RGPD4: variants seen among roughly 807,000 people sequenced by gnomAD.
RGPD4 encodes the protein ranBP2-like and GRIP domain-containing protein 4.
A neutral mutation model predicts 141.1 loss-of-function variants in RGPD4; 84 were observed. The observed-to-expected ratio is 0.60, with a 90% CI of 0.50 to 0.71. The LOEUF is 0.71. Ranked by LOEUF, RGPD4 falls within the 30% of genes least tolerant of loss-of-function variation. The pLI is 0.00. For missense variants in RGPD4, 918 were observed against 1,622.4 expected (o/e 0.57, Z 7.46); for synonymous variants, 298 against 566.8 (o/e 0.53, Z 6.74).
intron 16 of RGPD4, 28 bp downstream of exon 16, chr2:107,862,889 A>C: frequency 1.2e-6 from 2 of 1,603,232 alleles, no homozygotes; most frequent in Non-Finnish European, 1.7e-6. Flanking sequence ...GAATCATTTC[A>C]TTGTGAAATT....
At position 107,828,322 on chromosome 2, in the gene RGPD4, G is replaced by C. The variant is rs1477737321; in HGVS notation, c.72+1237G>C. 1.5e-3 allele frequency among the ~76,000 whole-genome samples: 38 copies of C among 25,634 alleles called. 1 individual carries two copies. The highest frequency in any genetic ancestry group is 8.5e-3 in the African/African-American group (32 of 3,766). The allele number at this position is 25,634 out of a possible 152,430, so 16.8% of individuals were successfully genotyped here. ...CGCGCTCTGTTGAGGCGGCGGCCTC[G>C]ACCCGGCCCGGCGGCGGCCTCGATG... On this transcript the variant is annotated intron_variant, in intron 1 of 22. Coordinates refer to ENST00000408999, the MANE Select transcript of RGPD4 (RefSeq NM_182588.3).
intron 6 of RGPD4, among the ~76,000 whole-genome samples, chr2:107,847,112 C>A (rs201769624): frequency 6.8e-6 from 1 of 147,094 alleles, no homozygotes; most frequent in Non-Finnish European, 1.5e-5. Context: ...CATGTTGGTA[C>A]GCGCCTATAG....
At chr2:107,878,777 G>A (rs1330214271) in intron 20 of RGPD4, among the ~76,000 whole-genome samples, 1 of 59,792 alleles carries the variant, frequency 1.7e-5, no homozygotes, top group African/African-American at 6.0e-5. Flanking sequence ...AGAACTAGGA[G>A]TCTGATGTTC....
chr2:107,830,348 A>G (rs1480504684), intron 1 of RGPD4, among the ~76,000 whole-genome samples: 2 of 151,396 alleles, frequency 1.3e-5, no homozygotes, highest in East Asian at 1.9e-4. Flanking sequence ...AAGCTTAAAA[A>G]AAAAAAAAAA....
Position 107,872,261 on chromosome 2 carries a change from T to C in RGPD4, c.4257T>C (p.Asn1419=). Residue 1419 remains asparagine (N), a synonymous_variant, in exon 20 of 23, where the codon AAT becomes AAC. Transcript: ENST00000408999. Reference sequence around the variant, plus strand: ...TAACTCCAGACATGAGTTTGCAAAATATGAAAGGGACAGAAAGAGTATGGG... The same window carrying C: ...TAACTCCAGACATGAGTTTGCAAAACATGAAAGGGACAGAAAGAGTATGGG... ...HTITPDMSLQ[N]MKGTERVWVW... is the part of the protein sequence containing the mutation. 1.2e-6 allele frequency: 2 copies of C among 1,611,146 alleles called. No homozygotes were observed. Among genetic ancestry groups the C allele is most frequent in the Non-Finnish European group, 1.7e-6 (2 of 1,179,828 alleles).
At chr2:107,884,064 G>A (rs932932880) in intron 22 of RGPD4, among the ~76,000 whole-genome samples, 12 of 151,554 alleles carry the variant, frequency 7.9e-5, no homozygotes, top group African/African-American at 2.9e-4. Flanking sequence ...CCTAAATAGG[G>A]CTCATATATT....
At chr2:107,883,814 A>C (rs932878436) in intron 22 of RGPD4, among the ~76,000 whole-genome samples, 2 of 151,956 alleles carry the variant, frequency 1.3e-5, no homozygotes, top group African/African-American at 2.4e-5. Flanking sequence ...AATTACTTTT[A>C]TTTTTGACAT....
At chr2:107,874,671 G>A (rs1353593252) in intron 20 of RGPD4, among the ~76,000 whole-genome samples, 1 of 150,484 alleles carries the variant, frequency 6.6e-6, no homozygotes, top group Non-Finnish European at 1.5e-5. Context: ...AAGAACGAAT[G>A]TGCCTATACA....
In RGPD4 at chr2:107,887,063, C is replaced by T. The variant is rs556897725; in HGVS notation, c.5267-3658C>T. The stretch of plus-strand genomic sequence containing the variant: ...TTCAGAATCAGCCTGGGCAACATGG[C>T]GAGACCCTATGTCTACAAAAATTTT... On this transcript the variant is annotated intron_variant, in intron 22 of 22. Transcript: ENST00000408999. Among the ~76,000 whole-genome samples the T allele has an allele frequency of 1.7e-3, 252 of 147,388 alleles. 1 individual carries two copies. Among genetic ancestry groups the T allele is most frequent in the African/African-American group, 5.9e-3 (236 of 39,824 alleles).
At chr2:107,878,573 C>A (rs1182193443) in intron 20 of RGPD4, among the ~76,000 whole-genome samples, 1 of 149,818 alleles carries the variant, frequency 6.7e-6, no homozygotes, top group Non-Finnish European at 1.5e-5. Context: ...CTTTTTTGGG[C>A]TGCTCCAATA....
At position 107,880,057 on chromosome 2, in the gene RGPD4, C is replaced by T. The variant is rs762643568; in HGVS notation, c.5014C>T (p.Leu1672=). 1.9e-6 allele frequency: 3 copies of T among 1,611,442 alleles called. No individual in the cohort carries two copies. In the South Asian group the frequency reaches 3.3e-5, roughly 18 times the overall value. ...TTKSADHLNG[L]LREAEATSAV... The stretch of plus-strand genomic sequence containing the variant: ...AAAAAGTGCAGATCACTTAAACGGC[C>T]TGCTTCGGGAAGCAGAGGCAACCAG... The change falls in exon 21 of 23, where the codon CTG becomes TTG. Residue 1672 remains leucine, a synonymous_variant. Transcript: ENST00000408999.
intron 22 of RGPD4, among the ~76,000 whole-genome samples, chr2:107,885,059 A>G (rs2104520441): frequency 6.6e-6 from 1 of 152,310 alleles, no homozygotes; most frequent in East Asian, 1.9e-4. Context: ...AAACTACAGG[A>G]TAGGTTTCTA....
chr2:107,830,673 A>G (rs1208556649), intron 1 of RGPD4, among the ~76,000 whole-genome samples: 5 of 152,026 alleles, frequency 3.3e-5, no homozygotes, highest in East Asian at 1.9e-4. Context: ...ATGACAAAAC[A>G]GGGTGCTTTG....
chr2:107,827,041 C>T lies in RGPD4; in HGVS notation c.28C>T (p.Arg10Trp). 1.9e-6 allele frequency: 3 copies of T among 1,598,854 alleles called. No homozygotes were observed. Among genetic ancestry groups the T allele is most frequent in the Non-Finnish European group, 2.6e-6 (3 of 1,174,136 alleles). Residue 10 changes from arginine (R) to tryptophan (W), a missense_variant, in exon 1 of 23, where the codon CGG becomes TGG. Arg to Trp is a moderately radical substitution (Grantham distance 101). Transcript: ENST00000408999. MSCSKAYGE[R>W]YVASVQGSAP... ...GAGTTGCAGCAAGGCCTACGGGGAG[C>T]GGTACGTCGCCTCCGTGCAGGGCTC...
In RGPD4 at chr2:107,872,679, G is replaced by A. The variant is rs772547747; in HGVS notation, c.4675G>A (p.Ala1559Thr). ...IFSSEKSKPF[A>T]FGNSSATGSL... is the part of the protein sequence containing the mutation. ...TAGTAGTGAAAAATCAAAACCATTT[G>A]CATTTGGCAACAGTTCTGCCACTGG... Residue 1559 changes from alanine to threonine, a missense_variant, in exon 20 of 23, where the codon GCA (alanine) becomes ACA (threonine). Coordinates refer to ENST00000408999, the MANE Select transcript of RGPD4 (RefSeq NM_182588.3). The A allele has an allele frequency of 6.2e-7, 1 of 1,611,112 alleles. No homozygotes were observed. The highest frequency in any genetic ancestry group is 1.1e-5 in the South Asian group (1 of 90,956).
chr2:107,834,097 C>CTT (rs540935273), intron 1 of RGPD4, among the ~76,000 whole-genome samples: 6 of 145,010 alleles, frequency 4.1e-5, no homozygotes, highest in South Asian at 4.4e-4. Flanking sequence ...TGCTATAGTT[C>CTT]TTTTTTTTTT....
At chr2:107,886,048 T>C (rs1181637070) in intron 22 of RGPD4, among the ~76,000 whole-genome samples, 1 of 91,854 alleles carries the variant, frequency 1.1e-5, no homozygotes, top group Non-Finnish European at 2.4e-5. Context: ...ATCAAAACTC[T>C]TATCTCAAAA....
intron 20 of RGPD4, among the ~76,000 whole-genome samples, chr2:107,873,574 CAAAAAAAA>C (rs3053241): frequency 0.045 from 5,600 of 125,416 alleles, 479 homozygotes; most frequent in African/African-American, 0.16. Flanking sequence ...ACTTTGTCTC[CAAAAAAAA>C]AAAAAAAAAA....
intron 1 of RGPD4, among the ~76,000 whole-genome samples, chr2:107,833,843 C>CT (rs1410417440): frequency 6.6e-6 from 1 of 152,136 alleles, no homozygotes; most frequent in African/African-American, 2.4e-5. Flanking sequence ...GCGACACCAT[C>CT]TGGCCAACAT....
Sources: allele counts gnomAD v4.1 joint callset (sites outside exome capture counted in the v4.1 genomes callset), GRCh38; gene constraint gnomAD v4.1.1; transcripts MANE v1.5; gene names NCBI Gene and HGNC (gene_info 2026-07-23, HGNC 2026-07-21).